PRLR: variants seen among roughly 807,000 people sequenced by gnomAD.
PRLR encodes the protein prolactin receptor, also known as hPRL receptor.
PRLR carries 13 observed loss-of-function variants against 40.2 expected under a neutral mutation model. The observed-to-expected ratio is 0.32, with a 90% CI of 0.21 to 0.51. The LOEUF (loss-of-function observed/expected upper bound fraction) is 0.51, where lower values mean the gene tolerates loss of function less well. Among genes scored for constraint, PRLR ranks in the 20% least tolerant of loss-of-function variants. The probability of loss-of-function intolerance (pLI) is 0.97; values close to 1 mark genes in which losing one functional copy is unlikely to be tolerated. For missense variants in PRLR, 656 were observed against 747.3 expected (o/e 0.88, Z 1.42); for synonymous variants, 269 against 278.7 (o/e 0.97, Z 0.35).
At position 35,114,667 on chromosome 5, in the gene PRLR, G is replaced by A. The variant is rs1772900514; in HGVS notation, c.-44+3394C>T. On this transcript the variant is annotated intron_variant, in intron 2 of 9. Transcript: ENST00000618457. ...AGGGTGGAGATTTCCCTTTGTGTGG[G>A]AGCCCAGTGGCTCCCGTATGTGAGT... Among the ~76,000 whole-genome samples the A allele has an allele frequency of 2.0e-5, 3 of 152,258 alleles. No individual in the cohort carries two copies. The South Asian group carries it at 6.2e-4, about 32-fold the overall frequency.
intron 1 of PRLR, among the ~76,000 whole-genome samples, chr5:35,228,220 C>CGAG (rs1776599015): frequency 7.3e-6 from 1 of 136,192 alleles, no homozygotes; most frequent in Admixed American, 7.5e-5. Flanking sequence ...TTCCATTCTC[C>CGAG]CAACAACCAT....
At chr5:35,142,137 A>G (rs1056678043) in intron 1 of PRLR, among the ~76,000 whole-genome samples, 2 of 152,238 alleles carry the variant, frequency 1.3e-5, no homozygotes, top group African/African-American at 4.8e-5. Flanking sequence ...CCTATTCAGA[A>G]GTGAATAGGT....
intron 2 of PRLR, among the ~76,000 whole-genome samples, chr5:35,105,221 A>G (rs1218983724): frequency 1.3e-5 from 2 of 152,226 alleles, no homozygotes; most frequent in Non-Finnish European, 2.9e-5. Context: ...GCATCTGTAC[A>G]TCACCATCAT....
chr5:35,218,037 T>A (rs1330268540), intron 1 of PRLR, among the ~76,000 whole-genome samples: 3 of 152,232 alleles, frequency 2.0e-5, no homozygotes, highest in Admixed American at 6.5e-5. Context: ...TAAATTTTTT[T>A]AAATATTTAG....
Position 35,220,571 on chromosome 5 carries a change from G to T in PRLR, c.-106+9697C>A, listed in dbSNP as rs1408117491. 2.0e-5 allele frequency among the ~76,000 whole-genome samples: 3 copies of T among 152,018 alleles called. No homozygotes were observed. In the South Asian group the frequency reaches 6.2e-4, roughly 32 times the overall value. ...GTTTTATTTATTGTTTGTTTTTAGT[G>T]TGGATATCTGTTTCCTCTTACTGGA... On this transcript the variant is annotated intron_variant, in intron 1 of 9. Transcript: ENST00000618457.
intron 1 of PRLR, among the ~76,000 whole-genome samples, chr5:35,226,386 G>A (rs1289409618): frequency 1.3e-5 from 2 of 152,138 alleles, no homozygotes; most frequent in Non-Finnish European, 2.9e-5. Flanking sequence ...ATGACTCTTG[G>A]TTTCTTCAAC....
intron 5 of PRLR, among the ~76,000 whole-genome samples, chr5:35,076,742 G>A (rs1303788156): frequency 6.6e-6 from 1 of 152,170 alleles, no homozygotes; most frequent in Non-Finnish European, 1.5e-5. Context: ...ACACGTAATT[G>A]TCAGATTCAC....
chr5:35,137,714 T>G (rs2111807563), intron 1 of PRLR, among the ~76,000 whole-genome samples: 1 of 152,364 alleles, frequency 6.6e-6, no homozygotes, highest in East Asian at 1.9e-4. Context: ...GACACTGTAG[T>G]GCTTGGGCTC....
In PRLR at chr5:35,134,794, A is replaced by G. The variant is rs373998702; in HGVS notation, c.-105-16672T>C. Reference sequence around the variant, plus strand: ...TGAGTCTCCAGTGATGCACATTGGAATCATCTGAGAAACTTTAAAAACTAC... The same window carrying G: ...TGAGTCTCCAGTGATGCACATTGGAGTCATCTGAGAAACTTTAAAAACTAC... On this transcript the variant is annotated intron_variant, in intron 1 of 9. Coordinates refer to ENST00000618457, the MANE Select transcript of PRLR (RefSeq NM_000949.7). 4.6e-5 allele frequency among the ~76,000 whole-genome samples: 7 copies of G among 152,222 alleles called. No individual in the cohort carries two copies. In the East Asian group the frequency reaches 7.7e-4, roughly 17 times the overall value.
At chr5:35,176,738 T>A (rs1281527451) in intron 1 of PRLR, among the ~76,000 whole-genome samples, 1 of 152,100 alleles carries the variant, frequency 6.6e-6, no homozygotes, top group African/African-American at 2.4e-5. Flanking sequence ...TTTCTCCCCA[T>A]GTGATAGTCT....
At chr5:35,192,616 C>T (rs1775637099) in intron 1 of PRLR, among the ~76,000 whole-genome samples, 1 of 152,238 alleles carries the variant, frequency 6.6e-6, no homozygotes, top group South Asian at 2.1e-4. Context: ...CTCTCCACTA[C>T]TACCAAATGC....
chr5:35,166,649 AG>A (rs1399005078), intron 1 of PRLR, among the ~76,000 whole-genome samples: 2 of 152,138 alleles, frequency 1.3e-5, no homozygotes, highest in African/African-American at 4.8e-5. Flanking sequence ...GAAGACAAAT[AG>A]GAGAAGAAGC....
At chr5:35,113,508 T>A (rs2111671482) in intron 2 of PRLR, among the ~76,000 whole-genome samples, 1 of 136,714 alleles carries the variant, frequency 7.3e-6, no homozygotes, top group Non-Finnish European at 1.6e-5. Context: ...CACCTATCTA[T>A]CCACCCATCC....
At chr5:35,175,161 T>A (rs995666244) in intron 1 of PRLR, among the ~76,000 whole-genome samples, 2 of 152,138 alleles carry the variant, frequency 1.3e-5, no homozygotes, top group Non-Finnish European at 2.9e-5. Context: ...GTAGCCCCCA[T>A]AATGCGCACG....
At position 35,068,225 on chromosome 5, in the gene PRLR, A is replaced by G. The variant is rs773901674; in HGVS notation, c.846T>C (p.His282=). The G allele has an allele frequency of 6.2e-7, 1 of 1,612,068 alleles. No homozygotes were observed. Among genetic ancestry groups the G allele is most frequent in the East Asian group, 2.2e-5 (1 of 44,862 alleles). The part of the protein sequence containing the change: ...PGPKIKGFDA[H]LLEKGKSEEL... ...TGCCTCCTGTACTTACCTCCAACAG[A>G]TGAGCATCAAATCCTTTTATTTTTG... Residue 282 remains histidine, a synonymous_variant, in exon 9 of 10, where the codon CAT becomes CAC. Coordinates refer to ENST00000618457, the MANE Select transcript of PRLR (RefSeq NM_000949.7).
chr5:35,051,249 C>T (rs760506166), downstream of PRLR, among the ~76,000 whole-genome samples: 3 of 152,178 alleles, frequency 2.0e-5, no homozygotes, highest in African/African-American at 4.8e-5. Flanking sequence ...GCATACCTGG[C>T]ACAGTGCCTG....
chr5:35,121,471 G>C (rs1773290038), intron 1 of PRLR, among the ~76,000 whole-genome samples: 1 of 151,998 alleles, frequency 6.6e-6, no homozygotes, highest in African/African-American at 2.4e-5. Context: ...TTGTCAGCCT[G>C]ACTCTTTAAA....
chr5:35,124,157 G>A (rs1295828647), intron 1 of PRLR, among the ~76,000 whole-genome samples: 1 of 152,192 alleles, frequency 6.6e-6, no homozygotes, highest in African/African-American at 2.4e-5. Flanking sequence ...CCTTCCAACT[G>A]GTGGAAATTA....
intron 1 of PRLR, among the ~76,000 whole-genome samples, chr5:35,126,855 T>C (rs980609228): frequency 6.6e-6 from 1 of 152,162 alleles, no homozygotes; most frequent in East Asian, 1.9e-4. Flanking sequence ...TCAAAACATC[T>C]CTAGGAAATA....
Sources: gnomAD v4.1 joint callset for allele counts (sites outside exome capture counted in the v4.1 genomes callset) on GRCh38, gnomAD v4.1.1 for gene constraint, MANE v1.5 for transcripts, NCBI Gene and HGNC (gene_info 2026-07-23, HGNC 2026-07-21) for gene names.